The following FRAS1 variants were observed in gnomAD, a reference collection of about 807,000 sequenced individuals.
FRAS1 encodes Fraser extracellular matrix complex subunit 1.
In FRAS1, 290 loss-of-function variants were observed where a neutral mutation model predicts 435.2. That is an observed-to-expected ratio of 0.67 (90% confidence interval 0.61 to 0.73). The LOEUF (loss-of-function observed/expected upper bound fraction) is 0.73, where lower values mean the gene tolerates loss of function less well. FRAS1 is among the 30% of genes least tolerant of loss of function. The probability of loss-of-function intolerance (pLI) is 0.00; values close to 1 mark genes in which losing one functional copy is unlikely to be tolerated. For synonymous variants in FRAS1, 1,800 were observed against 1,851.0 expected (o/e 0.97, Z 0.71); for missense variants, 4,860 against 5,001.5 (o/e 0.97, Z 0.85).
intron 2 of FRAS1, among the ~76,000 whole-genome samples, chr4:78,178,369 A>G (rs964372961): frequency 1.3e-5 from 2 of 152,188 alleles, no homozygotes; most frequent in South Asian, 4.1e-4. Flanking sequence ...TAGGCTTCGT[A>G]GTTTTCAGTC....
chr4:78,507,102 C>T (rs971117471), intron 61 of FRAS1, among the ~76,000 whole-genome samples: 1 of 152,150 alleles, frequency 6.6e-6, no homozygotes, highest in Non-Finnish European at 1.5e-5. Flanking sequence ...CAAAAAAACT[C>T]ATAACCAGGG....
chr4:78,325,938 T>C (rs1729700376), intron 18 of FRAS1, among the ~76,000 whole-genome samples: 1 of 152,196 alleles, frequency 6.6e-6, no homozygotes, highest in African/African-American at 2.4e-5. Context: ...AAAGGCGGGT[T>C]TGGAGAAGTA....
intron 2 of FRAS1, among the ~76,000 whole-genome samples, chr4:78,203,817 C>T (rs1723145399): frequency 6.6e-6 from 1 of 152,176 alleles, no homozygotes; most frequent in Non-Finnish European, 1.5e-5. Context: ...ATCCGCCCGC[C>T]TCGGGCTCCC....
chr4:78,120,346 G>T (rs1718938568), intron 2 of FRAS1, among the ~76,000 whole-genome samples: 1 of 152,122 alleles, frequency 6.6e-6, no homozygotes, highest in Admixed American at 6.5e-5. Flanking sequence ...TCCATATATG[G>T]GCTTATCTCT....
At position 78,333,348 on chromosome 4, in the gene FRAS1, G is replaced by A. The variant is rs968200397; in HGVS notation, c.2214G>A (p.Leu738=). 1.2e-6 allele frequency: 2 copies of A among 1,612,526 alleles called. No homozygotes were observed. The highest frequency in any genetic ancestry group is 2.7e-5 in the African/African-American group (2 of 75,020). Residue 738 remains leucine (L), a synonymous_variant, in exon 19 of 74, where the codon CTG becomes CTA. Coordinates refer to ENST00000512123, the MANE Select transcript of FRAS1 (RefSeq NM_025074.7). ...NCTDCGPSHV[L]LDGQCLSQCP... is the part of the protein sequence containing the mutation. ...CAGACTGTGGGCCTTCCCATGTGCT[G>A]TTGGATGGGCAGTGCCTCTCCCAGT...
At chr4:78,493,331 T>C (rs1210898503) in intron 59 of FRAS1, among the ~76,000 whole-genome samples, 1 of 152,150 alleles carries the variant, frequency 6.6e-6, no homozygotes, top group East Asian at 1.9e-4. Flanking sequence ...TATAAATCTT[T>C]CTATTATAAA....
Position 78,438,992 on chromosome 4 carries a change from T to G in FRAS1, c.5457T>G (p.Asn1819Lys). 1 of 1,613,298 alleles carries G rather than the reference T, an allele frequency of 6.2e-7. No homozygotes were observed. Among genetic ancestry groups the G allele is most frequent in the Non-Finnish European group, 8.5e-7 (1 of 1,179,398 alleles). Residue 1819 changes from asparagine to lysine, a missense_variant, in exon 40 of 74, where the codon AAT (asparagine) becomes AAG (lysine). Physicochemically the swap from Asn to Lys is moderately conservative, Grantham distance 94. Coordinates refer to ENST00000512123, the MANE Select transcript of FRAS1 (RefSeq NM_025074.7). ...ACATGGACCACAACCATCTGGATAA[T>G]CAGATATTTACCATCATGATCACTC... is the stretch of plus-strand genomic sequence containing the variant. ...VSDMDHNHLDNQIFTIMITPA... is the reference protein window; with the variant it reads ...VSDMDHNHLDKQIFTIMITPA...
At chr4:78,112,892 A>T (rs534365657) in intron 2 of FRAS1, among the ~76,000 whole-genome samples, 1 of 152,074 alleles carries the variant, frequency 6.6e-6, no homozygotes, top group Non-Finnish European at 1.5e-5. Context: ...TTTGTTTCAT[A>T]TGTATACATG....
intron 59 of FRAS1, among the ~76,000 whole-genome samples, chr4:78,494,279 A>G (rs1244465295): frequency 6.6e-6 from 1 of 152,146 alleles, no homozygotes; most frequent in African/African-American, 2.4e-5. Flanking sequence ...ATTTTATGGT[A>G]TATGTCTTAG....
intron 62 of FRAS1, 109 bp downstream of exon 62, chr4:78,507,717 C>T: frequency 3.8e-6 from 4 of 1,049,836 alleles, no homozygotes; most frequent in Non-Finnish European, 5.3e-6. Context: ...TGGTTCCCAA[C>T]CAGGAGCCAT....
At chr4:78,360,690 G>C (rs1731041981) in intron 20 of FRAS1, among the ~76,000 whole-genome samples, 1 of 152,172 alleles carries the variant, frequency 6.6e-6, no homozygotes, top group African/African-American at 2.4e-5. Flanking sequence ...AGTGACTTCA[G>C]AAGAGTAATA....
intron 2 of FRAS1, among the ~76,000 whole-genome samples, chr4:78,141,708 A>G (rs1720191170): frequency 6.6e-6 from 1 of 152,204 alleles, no homozygotes; most frequent in Non-Finnish European, 1.5e-5. Flanking sequence ...CACAATTCAC[A>G]ATTGCAAAAT....
chr4:78,257,414 T>A (rs559116319), intron 6 of FRAS1, among the ~76,000 whole-genome samples: 1 of 152,272 alleles, frequency 6.6e-6, no homozygotes, highest in African/African-American at 2.4e-5. Context: ...CTTCCAAGAA[T>A]GTTATATACA....
At chr4:78,387,300 A>T in intron 28 of FRAS1, 75 bp from the exon 29 acceptor site, 2 of 1,079,078 alleles carry the variant, frequency 1.9e-6, no homozygotes. Flanking sequence ...TATAGGAATA[A>T]CAATCAGGTA....
chr4:78,401,222 A>G (rs1732879614), intron 30 of FRAS1, among the ~76,000 whole-genome samples: 1 of 152,044 alleles, frequency 6.6e-6, no homozygotes, highest in South Asian at 2.1e-4. Flanking sequence ...AGGCTCTCAA[A>G]CTCTGTATTA....
intron 2 of FRAS1, among the ~76,000 whole-genome samples, chr4:78,179,111 T>C: frequency 6.6e-6 from 1 of 152,204 alleles, no homozygotes; most frequent in East Asian, 1.9e-4. Flanking sequence ...AATGATGAAG[T>C]ATTCCTTTTG....
At chr4:78,538,676 C>T (rs924905003) in intron 72 of FRAS1, among the ~76,000 whole-genome samples, 1 of 152,068 alleles carries the variant, frequency 6.6e-6, no homozygotes, top group African/African-American at 2.4e-5. Context: ...ATCAGAGGTC[C>T]GGGCGCGGTG....
intron 2 of FRAS1, among the ~76,000 whole-genome samples, chr4:78,112,672 T>C (rs940586262): frequency 6.6e-6 from 1 of 152,116 alleles, no homozygotes; most frequent in Non-Finnish European, 1.5e-5. Context: ...AGTTATGAAA[T>C]GGCCAAACCA....
chr4:78,393,864 A>C (rs1350558243), intron 29 of FRAS1, among the ~76,000 whole-genome samples: 2 of 151,874 alleles, frequency 1.3e-5, no homozygotes, highest in African/African-American at 4.8e-5. Flanking sequence ...CTTTCCTCCC[A>C]CCAATGTACC....
Sources: gnomAD v4.1 joint callset for allele counts (sites outside exome capture counted in the v4.1 genomes callset) on GRCh38, gnomAD v4.1.1 for gene constraint, MANE v1.5 for transcripts, NCBI Gene and HGNC (gene_info 2026-07-23, HGNC 2026-07-21) for gene names.